The following PMS1 variants were observed in gnomAD, a reference collection of about 807,000 sequenced individuals.
The protein encoded by PMS1 is PMS1 protein homolog 1.
PMS1 carries 79 observed loss-of-function variants against 93.1 expected under a neutral mutation model. The observed-to-expected ratio is 0.85, with a 90% CI of 0.71 to 1.02. The LOEUF (loss-of-function observed/expected upper bound fraction) is 1.02, where lower values mean the gene tolerates loss of function less well. Ranked by LOEUF, PMS1 falls within the 50% of genes least tolerant of loss-of-function variation. PMS1 has a pLI of 0.00. For missense variants in PMS1, 1,064 were observed against 1,085.3 expected, an observed-to-expected ratio of 0.98 and a Z score of 0.28; for synonymous variants, 335 against 363.4, an observed-to-expected ratio of 0.92 and a Z score of 0.89.
intron 4 of PMS1, among the ~76,000 whole-genome samples, chr2:189,807,694 G>A (rs1048801602): frequency 3.3e-5 from 5 of 152,158 alleles, no homozygotes; most frequent in African/African-American, 7.2e-5. Flanking sequence ...CCCTTTTGCT[G>A]TTGATTTTCC....
chr2:189,791,869 G>A lies in PMS1; in HGVS notation c.60G>A (p.Ser20=), dbSNP rs750916185. The A allele has an allele frequency of 1.2e-6, 2 of 1,613,692 alleles. No individual in the cohort carries two copies. The highest frequency in any genetic ancestry group is 1.7e-5 in the Admixed American group (1 of 60,020). Residue 20 remains serine (S), a synonymous_variant, in exon 2 of 13, where the codon TCG becomes TCA. Transcript: ENST00000441310. Reference sequence around the variant, plus strand: ...TTTCAAGTTCTCAGATCATCACTTCGGTGGTCAGTGTTGTAAAAGAGCTTA... The same window carrying A: ...TTTCAAGTTCTCAGATCATCACTTCAGTGGTCAGTGTTGTAAAAGAGCTTA... ...RLLSSSQIIT[S]VVSVVKELIE... is the part of the protein sequence containing the mutation.
In PMS1 at chr2:189,867,933, T is replaced by C. The variant is rs2056804138; in HGVS notation, c.2473+4T>C. 2 of 1,607,336 alleles carry C rather than the reference T, an allele frequency of 1.2e-6. No homozygotes were observed. The highest frequency in any genetic ancestry group is 1.1e-5 in the South Asian group (1 of 90,920). On this transcript the variant is annotated splice_donor_region_variant and intron_variant, in intron 11 of 12. Transcript: ENST00000441310. Reference sequence around the variant, plus strand: ...TTCAAGATAAAATTGATACCAGGTATGATAGTGTGGTTTAATATTTTCTGA... The same window carrying C: ...TTCAAGATAAAATTGATACCAGGTACGATAGTGTGGTTTAATATTTTCTGA...
intron 9 of PMS1, among the ~76,000 whole-genome samples, chr2:189,861,283 C>A (rs147672988): frequency 0.011 from 1,665 of 152,076 alleles, 31 homozygotes; most frequent in African/African-American, 0.038. Context: ...AATGTAAAAA[C>A]CCTGTAAGTA....
chr2:189,825,552 AT>A (rs1385255920), intron 5 of PMS1, among the ~76,000 whole-genome samples: 19 of 152,348 alleles, frequency 1.2e-4, no homozygotes, highest in Admixed American at 5.9e-4. Flanking sequence ...TGTGAAATGT[AT>A]GATTTCAAAT....
chr2:189,857,480 T>C (rs1201355202), intron 9 of PMS1: 1 of 469,334 alleles, frequency 2.1e-6, no homozygotes, highest in African/African-American at 2.0e-5. Flanking sequence ...CTTGGAGTTC[T>C]GTCCATGATC....
chr2:189,869,816 TA>T (rs398060888), intron 11 of PMS1, among the ~76,000 whole-genome samples: 10,530 of 134,736 alleles, frequency 0.078, 514 homozygotes, highest in African/African-American at 0.16. Context: ...GACTCCATCT[TA>T]AAAAAAAAAA....
rs1158514130 is a variant in PMS1 at position 189,860,800 on chromosome 2, A to ATTTTTT, written c.1857-2909_1857-2904dup. Among the ~76,000 whole-genome samples the ATTTTTT allele has an allele frequency of 3.9e-4, 16 of 41,030 alleles. 1 individual carries two copies. The highest frequency in any genetic ancestry group is 6.8e-4 in the African/African-American group (8 of 11,690). 26.9% of individuals were successfully genotyped at this position (41,030 alleles called of 152,430 possible). On this transcript the variant is annotated intron_variant, in intron 9 of 12. Transcript: ENST00000441310. ...CTAAAATCTTCTATATCTTTGAGGAATTTTTTTTTTTTTTTTTTTTTTTTT... is the reference window on the plus strand; with the variant it reads ...CTAAAATCTTCTATATCTTTGAGGAATTTTTTTTTTTTTTTTTTTTTTTTTTTTTTT...
intron 5 of PMS1, among the ~76,000 whole-genome samples, 157 bp from the exon 6 acceptor site, chr2:189,843,807 T>C (rs2054011298): frequency 6.6e-6 from 1 of 152,092 alleles, no homozygotes; most frequent in African/African-American, 2.4e-5. Context: ...AGAACCAGAG[T>C]TTCTTCTGTC....
intron 3 of PMS1, among the ~76,000 whole-genome samples, chr2:189,803,842 T>A (rs1463392366): frequency 6.6e-6 from 1 of 152,248 alleles, no homozygotes; most frequent in Non-Finnish European, 1.5e-5. Context: ...CGTAGTATTC[T>A]ACAAATTGTA....
chr2:189,834,746 T>G (rs1204858317), intron 5 of PMS1, among the ~76,000 whole-genome samples: 1 of 152,242 alleles, frequency 6.6e-6, no homozygotes, highest in African/African-American at 2.4e-5. Context: ...ATTTTATTTT[T>G]AGAGACAGGG....
At chr2:189,842,941 C>T (rs1270795266) in intron 5 of PMS1, among the ~76,000 whole-genome samples, 1 of 151,240 alleles carries the variant, frequency 6.6e-6, no homozygotes, top group Non-Finnish European at 1.5e-5. Flanking sequence ...AAAGGGCTCA[C>T]ATTTTGCAGA....
chr2:189,874,615 C>T lies in PMS1; in HGVS notation c.2634+959C>T, dbSNP rs537327556. Among the ~76,000 whole-genome samples the T allele has an allele frequency of 2.0e-5, 3 of 152,242 alleles. No individual in the cohort carries two copies. The South Asian group carries it at 6.2e-4, about 32-fold the overall frequency. On this transcript the variant is annotated intron_variant, in intron 12 of 12. Coordinates refer to ENST00000441310, the MANE Select transcript of PMS1 (RefSeq NM_000534.5). ...ACCTGAACTCTAATGAAGTTTTTCT[C>T]CCTTTTTAAAAATGAGCCATTTTTG...
At chr2:189,849,983 C>G (rs540199442) in intron 6 of PMS1, among the ~76,000 whole-genome samples, 14 of 150,706 alleles carry the variant, frequency 9.3e-5, no homozygotes, top group Non-Finnish European at 1.6e-4. Context: ...ATTTCTGTAC[C>G]AGAATTTAAT....
chr2:189,794,059 T>C (rs2049125004), intron 2 of PMS1, among the ~76,000 whole-genome samples: 1 of 152,112 alleles, frequency 6.6e-6, no homozygotes, highest in African/African-American at 2.4e-5. Flanking sequence ...CTTGGCCTGA[T>C]TTTTCTTTAA....
intron 4 of PMS1, among the ~76,000 whole-genome samples, chr2:189,816,584 A>T (rs898527235): frequency 1.3e-5 from 2 of 151,946 alleles, no homozygotes. Flanking sequence ...TAACTCAAAA[A>T]TTTTCTTCTA....
chr2:189,809,377 A>G (rs760719147), intron 4 of PMS1, among the ~76,000 whole-genome samples: 9 of 149,848 alleles, frequency 6.0e-5, no homozygotes, highest in African/African-American at 9.9e-5. Context: ...CTTGTAAAAC[A>G]TGATAGTATA....
intron 5 of PMS1, among the ~76,000 whole-genome samples, chr2:189,842,032 G>T (rs2053858119): frequency 6.6e-6 from 1 of 150,490 alleles, no homozygotes; most frequent in African/African-American, 2.4e-5. Flanking sequence ...TTCCCTGTCT[G>T]CTTGCATTTC....
chr2:189,821,216 G>T (rs1356018835), intron 5 of PMS1, among the ~76,000 whole-genome samples: 1 of 152,082 alleles, frequency 6.6e-6, no homozygotes, highest in Non-Finnish European at 1.5e-5. Context: ...CAGCACTTTG[G>T]GAGGCTGAGG....
chr2:189,877,152 T>C (rs1480258449), intron 12 of PMS1, 120 bp from the exon 13 acceptor site: 2 of 826,478 alleles, frequency 2.4e-6, no homozygotes, highest in Admixed American at 4.6e-5. Context: ...TTAATAAATA[T>C]TTGTTGAGTG....
Sources: gnomAD v4.1 joint callset for allele counts (sites outside exome capture counted in the v4.1 genomes callset) on GRCh38, gnomAD v4.1.1 for gene constraint, MANE v1.5 for transcripts, NCBI Gene and HGNC (gene_info 2026-07-23, HGNC 2026-07-21) for gene names.